MAP2K5: variants seen among roughly 807,000 people sequenced by gnomAD.
The protein encoded by MAP2K5 is dual specificity mitogen-activated protein kinase kinase 5.
Under a neutral mutation model 83.1 loss-of-function variants are expected in MAP2K5, and 49 were observed. The observed-to-expected ratio is 0.59, with a 90% CI of 0.47 to 0.75. MAP2K5 has a LOEUF of 0.75. Ranked by LOEUF, MAP2K5 falls within the 30% of genes least tolerant of loss-of-function variation. The pLI is 0.00. For missense variants in MAP2K5, 457 were observed against 557.5 expected (o/e 0.82, Z 1.82); for synonymous variants, 202 against 191.8 (o/e 1.05, Z -0.44).
chr15:67,725,212 A>G (rs1273934120), intron 16 of MAP2K5, among the ~76,000 whole-genome samples: 1 of 150,296 alleles, frequency 6.7e-6, no homozygotes, highest in African/African-American at 2.4e-5. Context: ...TGTCTTACAG[A>G]GCAAACAAAT....
rs112915409 is a variant in MAP2K5, at chr15:67,782,484, C to T, written c.1242+9732C>T. ...CTGGAAGGCTAAATATTTCATACAG[C>T]CTGATTTTAGTTAATTTTTTTTTCA... is the stretch of plus-strand genomic sequence containing the variant. On this transcript the variant is annotated intron_variant, in intron 21 of 21. Transcript: ENST00000178640. This position sits in a 1 kb window ranked among gnomAD's most constrained non-coding sequence, Gnocchi z 4.9. 1.3e-5 allele frequency among the ~76,000 whole-genome samples: 2 copies of T among 152,166 alleles called. No homozygotes were observed. The highest frequency in any genetic ancestry group is 1.3e-4 in the Admixed American group (2 of 15,284).
rs139359626 is a variant in MAP2K5 at position 67,784,310 on chromosome 15, G to A, written c.1242+11558G>A. ...GTTGTTGCATAGTAGGCAGAGGATT[G>A]TTATTGTGGTTTAGAGAATTTCCGC... On this transcript the variant is annotated intron_variant, in intron 21 of 21. Transcript: ENST00000178640. 3.7e-3 allele frequency among the ~76,000 whole-genome samples: 568 copies of A among 152,324 alleles called. 3 individuals are homozygous for A. Among genetic ancestry groups the A allele is most frequent in the African/African-American group, 0.013 (541 of 41,568 alleles).
intron 8 of MAP2K5, among the ~76,000 whole-genome samples, chr15:67,613,133 C>A (rs1401158917): frequency 6.6e-6 from 1 of 152,128 alleles, no homozygotes; most frequent in East Asian, 1.9e-4. Context: ...ACTTATCCAA[C>A]CAGCTGCCTA....
chr15:67,703,905 A>G (rs956381694), intron 16 of MAP2K5, among the ~76,000 whole-genome samples: 3 of 152,098 alleles, frequency 2.0e-5, no homozygotes. Flanking sequence ...AAAAAAAATC[A>G]CCTCATTCCA....
chr15:67,638,149 G>T lies in MAP2K5; in HGVS notation c.585+7222G>T, dbSNP rs1042059379. Among the ~76,000 whole-genome samples the T allele has an allele frequency of 6.6e-6, 1 of 151,924 alleles. No individual in the cohort carries two copies. Among genetic ancestry groups the T allele is most frequent in the Non-Finnish European group, 1.5e-5 (1 of 67,984 alleles). ...TATACTTGTGCCATGGGGGTTTGTT[G>T]TACAGATTATTTTGTCACCCAGGTA... On this transcript the variant is annotated intron_variant, in intron 9 of 21. Transcript: ENST00000178640. This position sits in a 1 kb window ranked among gnomAD's most constrained non-coding sequence, Gnocchi z 4.5.
At chr15:67,723,763 A>T (rs1439462642) in intron 16 of MAP2K5, among the ~76,000 whole-genome samples, 1 of 152,180 alleles carries the variant, frequency 6.6e-6, no homozygotes. Context: ...TAAAAAAAAA[A>T]ACTAGACTTA....
intron 17 of MAP2K5, among the ~76,000 whole-genome samples, chr15:67,744,339 T>C (rs2089558087): frequency 6.6e-6 from 1 of 152,268 alleles, no homozygotes; most frequent in African/African-American, 2.4e-5. Flanking sequence ...GAAAATGCTA[T>C]TCTTTAAAAA....
At chr15:67,574,433 A>G (rs887732151) in intron 3 of MAP2K5, among the ~76,000 whole-genome samples, 1 of 151,580 alleles carries the variant, frequency 6.6e-6, no homozygotes, top group Admixed American at 6.6e-5. Flanking sequence ...TTAGCTGGGC[A>G]TGGTGGTGGG....
rs751549517 is a variant in MAP2K5, at chr15:67,646,303, A to G, written c.654+4A>G. 1.7e-5 allele frequency: 25 copies of G among 1,448,842 alleles called. No individual in the cohort carries two copies. In the South Asian group the frequency reaches 2.6e-4, roughly 15 times the overall value. 89.7% of individuals were successfully genotyped at this position (1,448,842 alleles called of 1,614,324 possible). ...TGAATTGGAAATTCTTTATAAGGTA[A>G]TTTTTTCATAATTTTTATTTGTAAA... On this transcript the variant is annotated splice_donor_region_variant and intron_variant, in intron 10 of 21. Transcript: ENST00000178640.
intron 7 of MAP2K5, among the ~76,000 whole-genome samples, chr15:67,595,719 A>G (rs921642046): frequency 2.0e-5 from 3 of 152,076 alleles, no homozygotes; most frequent in Admixed American, 1.3e-4. Context: ...GAGTAATTCC[A>G]TTTTTCCAGC....
chr15:67,625,292 G>A (rs1157440992), intron 8 of MAP2K5, among the ~76,000 whole-genome samples: 1 of 152,190 alleles, frequency 6.6e-6, no homozygotes, highest in Non-Finnish European at 1.5e-5. Flanking sequence ...CCATGGTAAA[G>A]TGTATGTGTG....
chr15:67,777,393 A>G lies in MAP2K5; in HGVS notation c.1242+4641A>G, dbSNP rs1332102985. Among the ~76,000 whole-genome samples, 1 of 152,210 alleles carries G rather than the reference A, an allele frequency of 6.6e-6. No individual in the cohort carries two copies. The highest frequency in any genetic ancestry group is 1.5e-5 in the Non-Finnish European group (1 of 68,040). On this transcript the variant is annotated intron_variant, in intron 21 of 21. Coordinates refer to ENST00000178640, the MANE Select transcript of MAP2K5 (RefSeq NM_145160.3). This position sits in a 1 kb window ranked among gnomAD's most constrained non-coding sequence, Gnocchi z 6.0. Reference sequence around the variant, plus strand: ...AAGCTCTATTTAATGGAATCTATGCATAGTAAGTAATCAGGTCAGAAGAAG... The same window carrying G: ...AAGCTCTATTTAATGGAATCTATGCGTAGTAAGTAATCAGGTCAGAAGAAG...
At chr15:67,788,250 CT>C (rs998766985) in intron 21 of MAP2K5, among the ~76,000 whole-genome samples, 4 of 152,090 alleles carry the variant, frequency 2.6e-5, no homozygotes, top group East Asian at 1.9e-4. Context: ...GCCTTCTCCC[CT>C]TTTTTTTATA....
At chr15:67,597,110 A>G (rs1049218055) in intron 7 of MAP2K5, among the ~76,000 whole-genome samples, 1 of 150,732 alleles carries the variant, frequency 6.6e-6, no homozygotes, top group East Asian at 2.0e-4. Flanking sequence ...CGGAGCTTGC[A>G]GTGAGCCGAG....
At chr15:67,585,993 T>C (rs1567291259) in intron 5 of MAP2K5, 63 bp downstream of exon 5, 2 of 1,433,522 alleles carry the variant, frequency 1.4e-6, no homozygotes, top group Non-Finnish European at 2.0e-6. Context: ...GTTCCACTTA[T>C]TGAAATGTCA....
At chr15:67,605,692 C>T (rs985642649) in intron 8 of MAP2K5, among the ~76,000 whole-genome samples, 1 of 152,144 alleles carries the variant, frequency 6.6e-6, no homozygotes, top group Admixed American at 6.5e-5. Context: ...GTTCTTCCCC[C>T]AGGCAGTGTT....
intron 6 of MAP2K5, among the ~76,000 whole-genome samples, chr15:67,589,684 G>A (rs532314340): frequency 3.8e-4 from 58 of 152,100 alleles, no homozygotes; most frequent in African/African-American, 1.3e-3. Context: ...GCTTTGTTTG[G>A]TTATTTGCAT....
chr15:67,631,288 G>A (rs1324199291), intron 9 of MAP2K5, among the ~76,000 whole-genome samples: 2 of 152,020 alleles, frequency 1.3e-5, no homozygotes, highest in Non-Finnish European at 2.9e-5. Flanking sequence ...GCTGTATCCC[G>A]TTAGAATTTT....
At chr15:67,672,529 T>G (rs1447155317) in intron 13 of MAP2K5, among the ~76,000 whole-genome samples, 1 of 150,278 alleles carries the variant, frequency 6.7e-6, no homozygotes, top group Non-Finnish European at 1.5e-5. Context: ...TCTTGTAAAT[T>G]TGTTTGAGTT....
Sources: gnomAD v4.1 joint callset for allele counts (sites outside exome capture counted in the v4.1 genomes callset) on GRCh38, gnomAD v4.1.1 for gene constraint, Gnocchi (gnomAD v3.1) non-coding constraint, MANE v1.5 for transcripts, NCBI Gene and HGNC (gene_info 2026-07-23, HGNC 2026-07-21) for gene names.